Variants in MARCHF1 observed in about 807,000 individuals in gnomAD.
MARCHF1 encodes the protein E3 ubiquitin-protein ligase MARCHF1.
MARCHF1 carries 40 observed loss-of-function variants against 54.2 expected under a neutral mutation model. The ratio of observed to expected loss-of-function variants is 0.74; its 90% CI spans 0.57 to 0.96. MARCHF1 has a LOEUF of 0.96. MARCHF1 is among the 40% of genes least tolerant of loss of function. The pLI is 0.00. For synonymous variants in MARCHF1, 236 were observed against 236.3 expected (o/e 1.00, Z 0.01); for missense variants, 586 against 656.5 (o/e 0.89, Z 1.17).
intron 5 of MARCHF1, among the ~76,000 whole-genome samples, chr4:163,675,222 T>A (rs115205313): frequency 3.3e-5 from 5 of 152,198 alleles, no homozygotes; most frequent in African/African-American, 1.2e-4. Flanking sequence ...GATGTAAGAA[T>A]AATGAAGTAA....
At position 164,010,987 on chromosome 4, in the gene MARCHF1, A is replaced by T. The variant is rs571655988; in HGVS notation, c.-247-22278T>A. On this transcript the variant is annotated intron_variant, in intron 2 of 9. Transcript: ENST00000514618. Reference sequence around the variant, plus strand: ...TTTACAGCCAACTCATTTTTAACAAAGTTGCCAAAAATATGCAATGGTGAA... The same window carrying T: ...TTTACAGCCAACTCATTTTTAACAATGTTGCCAAAAATATGCAATGGTGAA... 3.2e-3 allele frequency among the ~76,000 whole-genome samples: 483 copies of T among 152,336 alleles called. 2 individuals carry two copies. The highest frequency in any genetic ancestry group is 4.9e-3 in the Non-Finnish European group (330 of 68,026).
At chr4:164,215,576 T>G (rs920469520) in intron 1 of MARCHF1, among the ~76,000 whole-genome samples, 2 of 152,154 alleles carry the variant, frequency 1.3e-5, no homozygotes, top group Non-Finnish European at 2.9e-5. Flanking sequence ...CCCTTCTCCC[T>G]TCCATATCAT....
At chr4:163,894,713 T>C (rs539867458) in intron 3 of MARCHF1, among the ~76,000 whole-genome samples, 6 of 44,278 alleles carry the variant, frequency 1.4e-4, no homozygotes, top group African/African-American at 5.4e-4. Context: ...ATGTGATGCA[T>C]ATATATATGC....
intron 1 of MARCHF1, among the ~76,000 whole-genome samples, chr4:164,160,670 T>C (rs1730208176): frequency 1.3e-5 from 2 of 152,220 alleles, no homozygotes; most frequent in African/African-American, 4.8e-5. Context: ...CATGATACAA[T>C]ATTAATGTAT....
chr4:164,141,939 A>AGTGGGCGCAGGTCAGTGG (rs148090913), intron 1 of MARCHF1, among the ~76,000 whole-genome samples: 25,848 of 150,946 alleles, frequency 0.17, 3,477 homozygotes, highest in African/African-American at 0.36. Context: ...AGTGCCAGAC[A>AGTGGGCGCAGGTCAGTGG]GTGGGCGCAG....
chr4:163,761,078 G>C (rs950331347), intron 4 of MARCHF1, among the ~76,000 whole-genome samples: 24 of 152,232 alleles, frequency 1.6e-4, no homozygotes, highest in Non-Finnish European at 3.2e-4. Context: ...GACAATGCAA[G>C]CAAAATATTA....
At chr4:163,774,314 T>C (rs1320504086) in intron 4 of MARCHF1, among the ~76,000 whole-genome samples, 1 of 152,180 alleles carries the variant, frequency 6.6e-6, no homozygotes, top group Non-Finnish European at 1.5e-5. Flanking sequence ...TAGACTCCAC[T>C]AATGTGGAAC....
At chr4:163,903,164 AG>A (rs1750977636) in intron 3 of MARCHF1, among the ~76,000 whole-genome samples, 1 of 152,192 alleles carries the variant, frequency 6.6e-6, no homozygotes, top group Non-Finnish European at 1.5e-5. Flanking sequence ...TGAAAAAAAA[AG>A]TCCCAAATAC....
chr4:163,887,987 T>C (rs1223886397), intron 3 of MARCHF1, among the ~76,000 whole-genome samples: 1 of 152,158 alleles, frequency 6.6e-6, no homozygotes, highest in East Asian at 1.9e-4. Flanking sequence ...GTTTTGTTCA[T>C]TCTATAAGAA....
intron 9 of MARCHF1, among the ~76,000 whole-genome samples, chr4:163,533,323 A>C (rs1442073018): frequency 6.6e-6 from 1 of 152,004 alleles, no homozygotes; most frequent in Non-Finnish European, 1.5e-5. Context: ...TAGTAGGATC[A>C]GTGTTTGCCA....
chr4:164,270,505 A>G (rs1733719500), intron 1 of MARCHF1, among the ~76,000 whole-genome samples: 1 of 152,170 alleles, frequency 6.6e-6, no homozygotes, highest in Non-Finnish European at 1.5e-5. Flanking sequence ...TCACTGGTGT[A>G]TTCTTAAAGC....
chr4:163,938,753 G>T (rs1156803724), intron 3 of MARCHF1, among the ~76,000 whole-genome samples: 1 of 152,130 alleles, frequency 6.6e-6, no homozygotes. Context: ...AATCATGGTG[G>T]AATGGGAAGC....
chr4:163,782,454 T>C (rs533396816), intron 4 of MARCHF1, among the ~76,000 whole-genome samples: 1 of 152,054 alleles, frequency 6.6e-6, no homozygotes, highest in Non-Finnish European at 1.5e-5. Context: ...GTGGATCACT[T>C]GAGGCCAGAA....
In MARCHF1 at chr4:163,883,336, C is replaced by T. The variant is rs576088023; in HGVS notation, c.-38-29167G>A. Among the ~76,000 whole-genome samples the T allele has an allele frequency of 1.1e-4, 14 of 132,152 alleles. No homozygotes were observed. The South Asian group carries it at 3.1e-3, about 29-fold the overall frequency. 86.7% of individuals were successfully genotyped at this position (132,152 alleles called of 152,430 possible). ...ATCCATATTAAACAAGCAAGAATTA[C>T]CTACGGATGTATTTTTTTTTTTTTT... On this transcript the variant is annotated intron_variant, in intron 3 of 9. Transcript: ENST00000514618.
intron 4 of MARCHF1, among the ~76,000 whole-genome samples, chr4:163,741,925 A>G (rs1288995341): frequency 6.6e-6 from 1 of 152,234 alleles, no homozygotes; most frequent in African/African-American, 2.4e-5. Context: ...TATATAAAAC[A>G]TACAATTTGT....
intron 5 of MARCHF1, among the ~76,000 whole-genome samples, chr4:163,674,603 C>A (rs945430809): frequency 2.0e-5 from 3 of 152,058 alleles, no homozygotes; most frequent in African/African-American, 7.2e-5. Context: ...TTATCTCCAC[C>A]CCTAGTGCCA....
intron 1 of MARCHF1, among the ~76,000 whole-genome samples, chr4:164,328,921 G>A (rs1271901694): frequency 6.6e-6 from 1 of 152,106 alleles, no homozygotes; most frequent in Non-Finnish European, 1.5e-5. Flanking sequence ...AAGATTCCTA[G>A]TTTAAGCATT....
intron 2 of MARCHF1, among the ~76,000 whole-genome samples, chr4:164,087,625 C>T (rs1020714944): frequency 2.0e-5 from 3 of 152,134 alleles, no homozygotes; most frequent in Non-Finnish European, 4.4e-5. Context: ...ACTCTGTTCA[C>T]AAACAAATTA....
intron 1 of MARCHF1, among the ~76,000 whole-genome samples, chr4:164,372,661 T>A (rs1731068715): frequency 6.6e-6 from 1 of 152,120 alleles, no homozygotes; most frequent in South Asian, 2.1e-4. Flanking sequence ...CCCTCAGATA[T>A]GAGATTGAAT....
Sources: gnomAD v4.1 joint callset for allele counts (sites outside exome capture counted in the v4.1 genomes callset) on GRCh38, gnomAD v4.1.1 for gene constraint, MANE v1.5 for transcripts, NCBI Gene and HGNC (gene_info 2026-07-23, HGNC 2026-07-21) for gene names.